STRBP: variants seen among roughly 807,000 people sequenced by gnomAD.
STRBP encodes the protein spermatid perinuclear RNA binding protein.
In STRBP, 13 loss-of-function variants were observed where a neutral mutation model predicts 80.1. The observed-to-expected ratio is 0.16, with a 90% CI of 0.11 to 0.26. The LOEUF (loss-of-function observed/expected upper bound fraction) is 0.26, where lower values mean the gene tolerates loss of function less well. Ranked by LOEUF, STRBP falls within the 10% of genes least tolerant of loss-of-function variation. STRBP has a pLI of 1.00. For synonymous variants in STRBP, 284 were observed against 291.2 expected (o/e 0.98, Z 0.25); for missense variants, 485 against 815.2 (o/e 0.59, Z 4.93).
chr9:123,226,972 T>C (rs1394915155), intron 2 of STRBP, among the ~76,000 whole-genome samples: 6 of 152,216 alleles, frequency 3.9e-5, no homozygotes, highest in Admixed American at 2.0e-4. Context: ...AGGCATCACA[T>C]GAGCGAGAGA....
chr9:123,265,966 G>A (rs1375063047), intron 1 of STRBP, among the ~76,000 whole-genome samples: 2 of 152,144 alleles, frequency 1.3e-5, no homozygotes, highest in Non-Finnish European at 2.9e-5. Context: ...TATAGCATGG[G>A]ACTCAGATAT....
At chr9:123,200,613 G>C (rs1372372207) in intron 2 of STRBP, among the ~76,000 whole-genome samples, 1 of 149,936 alleles carries the variant, frequency 6.7e-6, no homozygotes, top group African/African-American at 2.5e-5. Flanking sequence ...TGTCACCCAG[G>C]CTAGAGTGCA....
chr9:123,247,373 T>G (rs142396634), intron 1 of STRBP, among the ~76,000 whole-genome samples: 2,416 of 152,202 alleles, frequency 0.016, 35 homozygotes, highest in South Asian at 0.071. Context: ...GATCAAAAGA[T>G]TCTCCTGCCT....
chr9:123,188,856 A>G (rs2038806071), intron 2 of STRBP, among the ~76,000 whole-genome samples: 1 of 152,206 alleles, frequency 6.6e-6, no homozygotes, highest in Non-Finnish European at 1.5e-5. Flanking sequence ...GAAACCTTCA[A>G]TTTTGTTAAT....
chr9:123,201,731 T>C (rs746039330), intron 2 of STRBP, among the ~76,000 whole-genome samples: 2 of 152,228 alleles, frequency 1.3e-5, no homozygotes, highest in Non-Finnish European at 2.9e-5. Context: ...CTGCAGATCT[T>C]AGGTAGAATG....
chr9:123,216,069 A>G (rs2039887966), intron 2 of STRBP, among the ~76,000 whole-genome samples: 1 of 152,172 alleles, frequency 6.6e-6, no homozygotes, highest in Non-Finnish European at 1.5e-5. Flanking sequence ...TACCATCCTT[A>G]ACATCTTAAA....
At chr9:123,183,749 C>A (rs1339714558) in intron 3 of STRBP, among the ~76,000 whole-genome samples, 1 of 152,164 alleles carries the variant, frequency 6.6e-6, no homozygotes, top group Non-Finnish European at 1.5e-5. Flanking sequence ...TAAACTTCTA[C>A]ATCATTCATA....
chr9:123,265,652 T>C (rs1345411040), intron 1 of STRBP, among the ~76,000 whole-genome samples: 1 of 152,174 alleles, frequency 6.6e-6, no homozygotes, highest in Non-Finnish European at 1.5e-5. Flanking sequence ...TGAATGAGAC[T>C]TGCACTGAAA....
At chr9:123,181,003 G>T (rs1007532453) in intron 3 of STRBP, 5 of 885,072 alleles carry the variant, frequency 5.6e-6, no homozygotes, top group African/African-American at 3.6e-5. Context: ...ATTATTTTTG[G>T]ATAACAGTAA....
At chr9:123,256,650 A>G (rs1177170077) in intron 1 of STRBP, among the ~76,000 whole-genome samples, 5 of 152,210 alleles carry the variant, frequency 3.3e-5, no homozygotes, top group Non-Finnish European at 7.3e-5. Flanking sequence ...AAGAATGCAG[A>G]TGGCCAGAGC....
At chr9:123,163,118 T>C (rs16926216) in intron 6 of STRBP, among the ~76,000 whole-genome samples, 2,168 of 152,298 alleles carry the variant, frequency 0.014, 54 homozygotes, top group African/African-American at 0.049. Context: ...TATTCCATCA[T>C]CTTACCAAGT....
chr9:123,259,084 G>GGA (rs2041105325), intron 1 of STRBP, among the ~76,000 whole-genome samples: 1 of 148,410 alleles, frequency 6.7e-6, no homozygotes, highest in East Asian at 2.3e-4. Context: ...AAGGGGGGGG[G>GGA]ATTACTGCAA....
intron 4 of STRBP, among the ~76,000 whole-genome samples, chr9:123,175,339 A>T (rs2038175384): frequency 6.6e-6 from 1 of 152,228 alleles, no homozygotes; most frequent in South Asian, 2.1e-4. Context: ...GATGGGAAAC[A>T]GTCATTCTAG....
intron 4 of STRBP, 61 bp downstream of exon 4, chr9:123,178,946 C>G (rs925548026): frequency 1.3e-6 from 2 of 1,517,028 alleles, no homozygotes; most frequent in Non-Finnish European, 1.8e-6. Flanking sequence ...CTCAATCCAG[C>G]AGACCTTAGA....
At chr9:123,184,641 C>T (rs2038623136) in intron 2 of STRBP, among the ~76,000 whole-genome samples, 1 of 152,156 alleles carries the variant, frequency 6.6e-6, no homozygotes, top group Non-Finnish European at 1.5e-5. Context: ...ATTAGATTTT[C>T]AATCAGAAAT....
intron 1 of STRBP, among the ~76,000 whole-genome samples, chr9:123,268,066 A>G (rs1588172877): frequency 8.6e-6 from 1 of 116,896 alleles, no homozygotes; most frequent in Non-Finnish European, 1.8e-5. Context: ...GTCCTCCAAC[A>G]CCTGCCCCGA....
At chr9:123,259,477 C>CG (rs1684129423) in intron 1 of STRBP, among the ~76,000 whole-genome samples, 1 of 152,082 alleles carries the variant, frequency 6.6e-6, no homozygotes, top group Admixed American at 6.6e-5. Context: ...GAGGCCGAGG[C>CG]GGGTGGATCA....
rs761127380 is a variant in STRBP at position 123,173,663 on chromosome 9, TA to T, written c.390+13del. ...TTACAAATTCGCCTAGAGGTGCAGT[TA>T]AACTGTACTCACCTGAATCTGAATA... is the stretch of plus-strand genomic sequence containing the variant. On this transcript the variant is annotated intron_variant, in intron 5 of 18. Coordinates refer to ENST00000348403, the MANE Select transcript of STRBP (RefSeq NM_018387.5). The T allele has an allele frequency of 1.3e-6, 2 of 1,589,676 alleles. No individual in the cohort carries two copies. The highest frequency in any genetic ancestry group is 2.7e-5 in the African/African-American group (2 of 73,242).
chr9:123,182,339 A>G (rs139770127), intron 3 of STRBP, among the ~76,000 whole-genome samples: 3 of 152,092 alleles, frequency 2.0e-5, no homozygotes, highest in African/African-American at 7.2e-5. Flanking sequence ...AGAAACCAGA[A>G]AATACTCATC....
Sources: gnomAD v4.1 joint callset for allele counts (sites outside exome capture counted in the v4.1 genomes callset) on GRCh38, gnomAD v4.1.1 for gene constraint, MANE v1.5 for transcripts, NCBI Gene and HGNC (gene_info 2026-07-23, HGNC 2026-07-21) for gene names.